Variants in CNTN5 observed in about 807,000 individuals in gnomAD.
CNTN5 encodes contactin-5.
In CNTN5, 77 loss-of-function variants were observed where a neutral mutation model predicts 129.1. The observed-to-expected ratio is 0.60, with a 90% CI of 0.50 to 0.72. The LOEUF (loss-of-function observed/expected upper bound fraction) is 0.72, where lower values mean the gene tolerates loss of function less well. Among genes scored for constraint, CNTN5 ranks in the 30% least tolerant of loss-of-function variants. The pLI is 0.00. For synonymous variants in CNTN5, 509 were observed against 465.6 expected, an observed-to-expected ratio of 1.09 and a Z score of -1.20; for missense variants, 1,478 against 1,328.8, an observed-to-expected ratio of 1.11 and a Z score of -1.75.
intron 1 of CNTN5, among the ~76,000 whole-genome samples, chr11:99,048,092 C>A (rs1030005424): frequency 2.0e-5 from 3 of 151,784 alleles, no homozygotes; most frequent in Non-Finnish European, 2.9e-5. Context: ...AAAAAAAAAT[C>A]ATGGCATCCT....
At chr11:99,045,108 T>G (rs11828175) in intron 1 of CNTN5, among the ~76,000 whole-genome samples, 213 of 152,336 alleles carry the variant, frequency 1.4e-3, no homozygotes, top group African/African-American at 5.0e-3. Context: ...TGCTAAAGAA[T>G]GATTGATACA....
chr11:100,317,628 C>T (rs772092368), intron 21 of CNTN5, among the ~76,000 whole-genome samples: 1 of 152,114 alleles, frequency 6.6e-6, no homozygotes, highest in African/African-American at 2.4e-5. Flanking sequence ...CTAAAAATTA[C>T]GTTTTCTGAA....
At chr11:100,010,829 T>A in intron 9 of CNTN5, among the ~76,000 whole-genome samples, 1 of 152,126 alleles carries the variant, frequency 6.6e-6, no homozygotes, top group Non-Finnish European at 1.5e-5. Context: ...AAAATATCTA[T>A]CCTGCCCCAC....
At chr11:100,160,921 T>C (rs764803034) in intron 13 of CNTN5, among the ~76,000 whole-genome samples, 1 of 151,832 alleles carries the variant, frequency 6.6e-6, no homozygotes, top group African/African-American at 2.4e-5. Flanking sequence ...AACCACAAGG[T>C]CACATAACTA....
At chr11:99,673,534 T>C (rs1953139172) in intron 3 of CNTN5, among the ~76,000 whole-genome samples, 1 of 152,112 alleles carries the variant, frequency 6.6e-6, no homozygotes, top group Non-Finnish European at 1.5e-5. Context: ...ACAGATTCTT[T>C]CATCACCCAG....
At chr11:99,328,281 T>C (rs1794559168) in intron 2 of CNTN5, among the ~76,000 whole-genome samples, 1 of 152,170 alleles carries the variant, frequency 6.6e-6, no homozygotes, top group Non-Finnish European at 1.5e-5. Flanking sequence ...TTTGAATGAA[T>C]ACTCGAAAGA....
chr11:99,952,301 A>G (rs1320782879), intron 7 of CNTN5, among the ~76,000 whole-genome samples: 1 of 152,156 alleles, frequency 6.6e-6, no homozygotes, highest in African/African-American at 2.4e-5. Context: ...GGAACTTACT[A>G]AGTTATCCTA....
intron 2 of CNTN5, among the ~76,000 whole-genome samples, chr11:99,500,779 C>T (rs1037979786): frequency 1.3e-5 from 2 of 151,934 alleles, no homozygotes; most frequent in Admixed American, 1.3e-4. Flanking sequence ...GATGTCCTAT[C>T]TACTTATCTA....
chr11:100,233,796 C>G (rs1401313321), intron 16 of CNTN5, among the ~76,000 whole-genome samples: 2 of 151,800 alleles, frequency 1.3e-5, no homozygotes. Context: ...TTTGCCCATG[C>G]CCAGATGGGA....
chr11:99,990,451 TATATAC>T (rs1189481785), intron 8 of CNTN5, among the ~76,000 whole-genome samples: 20 of 99,490 alleles, frequency 2.0e-4, no homozygotes, highest in Non-Finnish European at 3.8e-4. Context: ...AGAATATATA[TATATAC>T]ACACACACAC....
chr11:100,269,350 A>G (rs1419988620), intron 17 of CNTN5, among the ~76,000 whole-genome samples: 1 of 152,192 alleles, frequency 6.6e-6, no homozygotes, highest in African/African-American at 2.4e-5. Context: ...ATAATTGCAG[A>G]CAGTAAGTAA....
At chr11:99,187,260 T>C (rs1858401212) in intron 1 of CNTN5, among the ~76,000 whole-genome samples, 1 of 151,752 alleles carries the variant, frequency 6.6e-6, no homozygotes, top group African/African-American at 2.4e-5. Context: ...ATGTACCTTC[T>C]TCTCTTATAA....
At chr11:100,010,088 A>G (rs1940434048) in intron 9 of CNTN5, among the ~76,000 whole-genome samples, 1 of 152,160 alleles carries the variant, frequency 6.6e-6, no homozygotes, top group African/African-American at 2.4e-5. Context: ...TGAGAGATAA[A>G]GGGGTCAAGG....
intron 1 of CNTN5, among the ~76,000 whole-genome samples, chr11:99,037,828 C>T (rs1480783405): frequency 2.0e-5 from 3 of 151,840 alleles, no homozygotes; most frequent in Non-Finnish European, 4.4e-5. Flanking sequence ...TCCAAAAGTG[C>T]TGGGATTACA....
intron 1 of CNTN5, among the ~76,000 whole-genome samples, chr11:99,053,743 G>A (rs1005909961): frequency 2.0e-5 from 3 of 151,904 alleles, no homozygotes; most frequent in Non-Finnish European, 4.4e-5. Context: ...TATAATGAGG[G>A]CAGAAGCCTA....
chr11:99,643,055 AAC>A (rs1392227273), intron 3 of CNTN5, among the ~76,000 whole-genome samples: 6 of 152,232 alleles, frequency 3.9e-5, no homozygotes, highest in African/African-American at 1.4e-4. Context: ...GTACAGCAAT[AAC>A]ACAGGAATAC....
chr11:99,556,297 G>T (rs964917710), intron 3 of CNTN5, 28 bp downstream of exon 3: 3 of 1,432,950 alleles, frequency 2.1e-6, no homozygotes, highest in South Asian at 2.7e-5. Flanking sequence ...TTAATTATTT[G>T]ATTTTCTAAG....
chr11:100,070,717 TGAGAATTTAACTCAATGTCTGGGATATA>T (rs1369794658), intron 11 of CNTN5, among the ~76,000 whole-genome samples, 157 bp downstream of exon 11: 3 of 152,192 alleles, frequency 2.0e-5, no homozygotes, highest in Admixed American at 2.0e-4. Flanking sequence ...GGGGATTAAC[TGAGAATTTAACTCAATGTCTGGGATATA>T]GTAGTCATAT....
At chr11:99,785,890 C>G (rs1945503547) in intron 3 of CNTN5, among the ~76,000 whole-genome samples, 1 of 152,026 alleles carries the variant, frequency 6.6e-6, no homozygotes, top group Admixed American at 6.6e-5. Context: ...AAACTCACAG[C>G]CAATATTATA....
Sources: allele counts gnomAD v4.1 joint callset (sites outside exome capture counted in the v4.1 genomes callset), GRCh38; gene constraint gnomAD v4.1.1; transcripts MANE v1.5; gene names NCBI Gene and HGNC (gene_info 2026-07-23, HGNC 2026-07-21).